The following PTPRD variants were observed in gnomAD, a reference collection of about 807,000 sequenced individuals.
PTPRD encodes protein tyrosine phosphatase receptor type D, also known as receptor-type tyrosine-protein phosphatase delta.
In PTPRD, 34 loss-of-function variants were observed where a neutral mutation model predicts 214.5. The ratio of observed to expected loss-of-function variants is 0.16; its 90% CI spans 0.12 to 0.21. The LOEUF (loss-of-function observed/expected upper bound fraction) is 0.21. Among genes scored for constraint, PTPRD ranks in the 10% least tolerant of loss-of-function variants. The probability of loss-of-function intolerance (pLI) is 1.00; values close to 1 mark genes in which losing one functional copy is unlikely to be tolerated. For synonymous variants in PTPRD, 1,128 were observed against 845.7 expected (o/e 1.33, Z -5.79); for missense variants, 2,545 against 2,398.7 (o/e 1.06, Z -1.27).
chr9:9,001,667 T>C (rs2099418907), intron 11 of PTPRD, among the ~76,000 whole-genome samples: 1 of 152,008 alleles, frequency 6.6e-6, no homozygotes, highest in African/African-American at 2.4e-5. Context: ...TTTTTTGGAC[T>C]ACCATTGTGA....
chr9:10,341,199 C>T (rs1165092225), intron 2 of PTPRD, among the ~76,000 whole-genome samples, 182 bp from the exon 3 acceptor site: 1 of 151,830 alleles, frequency 6.6e-6, no homozygotes, highest in Non-Finnish European at 1.5e-5. Flanking sequence ...ATTGATTTGT[C>T]CATGGTTAAC....
chr9:10,197,715 G>C (rs1429506491), intron 3 of PTPRD, among the ~76,000 whole-genome samples: 4 of 152,108 alleles, frequency 2.6e-5, no homozygotes, highest in Admixed American at 6.6e-5. Flanking sequence ...AGTCCTGAAT[G>C]CTGATAGGGG....
At chr9:9,379,230 T>TTATA (rs750778113) in intron 9 of PTPRD, among the ~76,000 whole-genome samples, 5 of 145,908 alleles carry the variant, frequency 3.4e-5, no homozygotes, top group East Asian at 3.9e-4. Flanking sequence ...TTGATATATT[T>TTATA]TATATATATA....
At chr9:8,600,084 C>G (rs1213534630) in intron 14 of PTPRD, among the ~76,000 whole-genome samples, 1 of 152,208 alleles carries the variant, frequency 6.6e-6, no homozygotes. Flanking sequence ...TGTAAGGAAT[C>G]TATGTGCTTG....
chr9:8,784,272 A>C (rs1175427858), intron 11 of PTPRD, among the ~76,000 whole-genome samples: 1 of 152,236 alleles, frequency 6.6e-6, no homozygotes, highest in Non-Finnish European at 1.5e-5. Flanking sequence ...TAACTGGGTA[A>C]TGACTCAGTC....
intron 11 of PTPRD, among the ~76,000 whole-genome samples, chr9:8,900,180 A>C (rs554561396): frequency 1.3e-5 from 2 of 152,304 alleles, no homozygotes; most frequent in East Asian, 3.9e-4. Context: ...TTCATAAAAT[A>C]ATTAGGTTCA....
chr9:8,799,924 T>TG (rs1491453208), intron 11 of PTPRD, among the ~76,000 whole-genome samples: 1 of 152,016 alleles, frequency 6.6e-6, no homozygotes, highest in East Asian at 1.9e-4. Flanking sequence ...CACAAAAAAC[T>TG]TTTTGTTTTC....
intron 11 of PTPRD, among the ~76,000 whole-genome samples, chr9:8,772,392 T>TTTTTAAACAC (rs57545323): frequency 4.0e-5 from 6 of 151,602 alleles, no homozygotes; most frequent in Admixed American, 3.9e-4. Flanking sequence ...GCACAGTACA[T>TTTTTAAACAC]AAAGAAGTAC....
At chr9:10,168,183 CAAT>C (rs1409692476) in intron 3 of PTPRD, among the ~76,000 whole-genome samples, 2 of 152,090 alleles carry the variant, frequency 1.3e-5, no homozygotes, top group Non-Finnish European at 2.9e-5. Flanking sequence ...GTAGTTGTCA[CAAT>C]AAATCAAACA....
chr9:10,146,004 A>T (rs919077100), intron 3 of PTPRD, among the ~76,000 whole-genome samples: 2 of 151,998 alleles, frequency 1.3e-5, no homozygotes, highest in Non-Finnish European at 2.9e-5. Flanking sequence ...CAAATATTCT[A>T]TTGGATTTAT....
intron 14 of PTPRD, among the ~76,000 whole-genome samples, chr9:8,614,510 G>A (rs1398611666): frequency 6.6e-6 from 1 of 152,156 alleles, no homozygotes; most frequent in Non-Finnish European, 1.5e-5. Context: ...AGGGTAGACT[G>A]AAATAGAGAA....
chr9:8,642,263 G>C (rs1315455653), intron 12 of PTPRD, among the ~76,000 whole-genome samples: 2 of 152,178 alleles, frequency 1.3e-5, no homozygotes, highest in Admixed American at 6.5e-5. Context: ...GCTGTTTCTT[G>C]TGGACATCAA....
At chr9:10,304,649 C>A (rs2095994593) in intron 3 of PTPRD, among the ~76,000 whole-genome samples, 2 of 152,000 alleles carry the variant, frequency 1.3e-5, no homozygotes, top group African/African-American at 4.8e-5. Flanking sequence ...GAGTGAACTC[C>A]CATTCACAAT....
intron 8 of PTPRD, among the ~76,000 whole-genome samples, chr9:9,542,065 G>A (rs987980206): frequency 6.6e-6 from 1 of 151,418 alleles, no homozygotes; most frequent in African/African-American, 2.4e-5. Flanking sequence ...TTGGTTCTTT[G>A]AAAAGATCAA....
At chr9:9,888,327 T>C (rs940855534) in intron 5 of PTPRD, among the ~76,000 whole-genome samples, 1 of 152,192 alleles carries the variant, frequency 6.6e-6, no homozygotes. Context: ...ACTTTGGACA[T>C]TGCCTTGTGA....
intron 9 of PTPRD, among the ~76,000 whole-genome samples, chr9:9,240,936 A>G (rs1460355787): frequency 6.6e-6 from 1 of 152,080 alleles, no homozygotes; most frequent in Non-Finnish European, 1.5e-5. Context: ...CTGAGGTCCA[A>G]ACTTGTTTCT....
intron 33 of PTPRD, chr9:8,454,713 T>A (rs563187583): frequency 1.9e-6 from 2 of 1,030,544 alleles, no homozygotes; most frequent in East Asian, 5.0e-5. Flanking sequence ...CAAGGACACA[T>A]AACTGACATA....
chr9:9,352,407 CTGTTA>C (rs1322069377), intron 9 of PTPRD, among the ~76,000 whole-genome samples: 3 of 148,144 alleles, frequency 2.0e-5, no homozygotes, highest in Non-Finnish European at 4.5e-5. Context: ...ATATATATAT[CTGTTA>C]TGTTTTCCCA....
intron 10 of PTPRD, among the ~76,000 whole-genome samples, chr9:9,150,949 A>G (rs1210245102): frequency 1.3e-5 from 2 of 152,172 alleles, no homozygotes; most frequent in African/African-American, 4.8e-5. Context: ...AAGATTTTTG[A>G]GATAGAAGTA....
Sources: allele counts gnomAD v4.1 joint callset (sites outside exome capture counted in the v4.1 genomes callset), GRCh38; gene constraint gnomAD v4.1.1; transcripts MANE v1.5; gene names NCBI Gene and HGNC (gene_info 2026-07-23, HGNC 2026-07-21).